The following DMD variants were observed in gnomAD, a reference collection of about 807,000 sequenced individuals.
The protein encoded by DMD is mutant dystrophin.
A neutral mutation model predicts 330.1 loss-of-function variants in DMD; 63 were observed. The ratio of observed to expected loss-of-function variants is 0.19; its 90% CI spans 0.16 to 0.24. DMD has a LOEUF of 0.24. Among genes scored for constraint, DMD ranks in the 10% least tolerant of loss-of-function variants. The pLI is 1.00. For missense variants in DMD, 3,344 were observed against 2,684.1 expected, an observed-to-expected ratio of 1.25 and a Z score of -5.43; for synonymous variants, 1,223 against 959.8, an observed-to-expected ratio of 1.27 and a Z score of -5.07.
chrX:32,433,974 T>C lies in DMD; in HGVS notation c.4071+4267A>G, dbSNP rs145541067. ...AAATCATTACTGTGAGTAGAAAATA[T>C]AGTGCTATATGATTATCAAGAATGA... On this transcript the variant is annotated intron_variant, in intron 29 of 78. Transcript: ENST00000357033. Among the ~76,000 whole-genome samples the C allele has an allele frequency of 4.0e-3, 444 of 111,965 alleles. 1 individual carries two copies. The highest frequency in any genetic ancestry group is 6.9e-3 in the Non-Finnish European group (365 of 53,203).
At chrX:31,628,147 G>A (rs2078948451) in intron 54 of DMD, among the ~76,000 whole-genome samples, 1 of 111,182 alleles carries the variant, frequency 9.0e-6, no homozygotes, top group South Asian at 3.8e-4. Context: ...ATATATATGT[G>A]AAATATATAT....
At chrX:33,329,031 T>A (rs1388978797) in intron 1 of DMD, among the ~76,000 whole-genome samples, 1 of 112,038 alleles carries the variant, frequency 8.9e-6, no homozygotes, top group African/African-American at 3.2e-5. Context: ...TTTTATATAT[T>A]TGTGTTATAG....
At chrX:33,071,931 A>T (rs2094764375) in intron 1 of DMD, among the ~76,000 whole-genome samples, 1 of 112,341 alleles carries the variant, frequency 8.9e-6, no homozygotes, top group Non-Finnish European at 1.9e-5. Context: ...CAATTAAGTT[A>T]TATATCTTTC....
chrX:32,808,359 T>C (rs780861920), intron 7 of DMD, among the ~76,000 whole-genome samples: 3 of 112,388 alleles, frequency 2.7e-5, no homozygotes, highest in Non-Finnish European at 3.8e-5. Flanking sequence ...AATATATTTG[T>C]CAATTGTATG....
At chrX:32,631,766 G>T (rs1202801827) in intron 11 of DMD, among the ~76,000 whole-genome samples, 1 of 111,216 alleles carries the variant, frequency 9.0e-6, no homozygotes, top group Non-Finnish European at 1.9e-5. Flanking sequence ...GCACTAAGAG[G>T]ATAGTGCTAA....
chrX:32,922,175 A>ATT (rs772925727), intron 2 of DMD, among the ~76,000 whole-genome samples: 4 of 98,528 alleles, frequency 4.1e-5, no homozygotes, highest in African/African-American at 1.5e-4. Flanking sequence ...CCCTGACATG[A>ATT]TTTTTTTTTT....
At chrX:32,042,164 CATATGTAT>C in intron 44 of DMD, among the ~76,000 whole-genome samples, 1 of 57,296 alleles carries the variant, frequency 1.7e-5, no homozygotes, top group Non-Finnish European at 3.3e-5. Context: ...CATATACACA[CATATGTAT>C]ACATATATAC....
chrX:32,563,003 C>G (rs911828350), intron 16 of DMD, among the ~76,000 whole-genome samples: 1 of 111,293 alleles, frequency 9.0e-6, no homozygotes, highest in African/African-American at 3.3e-5. Flanking sequence ...TTATTTATTT[C>G]TAGCCCACAA....
At chrX:33,153,723 G>A (rs1218209465) in intron 1 of DMD, among the ~76,000 whole-genome samples, 1 of 112,194 alleles carries the variant, frequency 8.9e-6, no homozygotes, top group African/African-American at 3.2e-5. Flanking sequence ...CTTTACCTTT[G>A]TTATAAAATT....
chrX:31,626,689 G>A (rs1198839185), intron 55 of DMD, among the ~76,000 whole-genome samples: 1 of 111,513 alleles, frequency 9.0e-6, no homozygotes, highest in Non-Finnish European at 1.9e-5. Flanking sequence ...ACAGGAGAAG[G>A]AGAACGATAG....
intron 52 of DMD, among the ~76,000 whole-genome samples, chrX:31,710,974 T>G (rs2084587095): frequency 9.0e-6 from 1 of 111,183 alleles, no homozygotes; most frequent in Non-Finnish European, 1.9e-5. Context: ...CACTTTTTCC[T>G]TGATTTTACC....
At chrX:31,938,998 T>C (rs1215641826) in intron 45 of DMD, among the ~76,000 whole-genome samples, 2 of 111,572 alleles carry the variant, frequency 1.8e-5, no homozygotes, top group African/African-American at 6.5e-5. Flanking sequence ...AAAATAAGCA[T>C]AAATTGAGAA....
At chrX:31,792,301 A>G (rs781427737) in intron 50 of DMD, among the ~76,000 whole-genome samples, 150 of 112,665 alleles carry the variant, frequency 1.3e-3, no homozygotes, top group African/African-American at 4.8e-3. Flanking sequence ...GAGAAATGTC[A>G]CATCTCATTT....
rs773372553 is a variant in DMD at position 32,287,602 on chromosome X, T to C, written c.6217A>G (p.Lys2073Glu). ...AGCTGGGAGAGAGCTTCCTGTAGCT[T>C]CACCCTTTCCACAGGCGTTGCACTT... ...LQSATPVERVKLQEALSQLDF... is the reference protein window; with the variant it reads ...LQSATPVERVELQEALSQLDF... Residue 2073 changes from lysine (K) to glutamate (E), a missense_variant, in exon 43 of 79, where the codon AAG becomes GAG. Transcript: ENST00000357033. 1 of 1,211,066 alleles carries C rather than the reference T, an allele frequency of 8.3e-7. No homozygotes were observed.
intron 7 of DMD, among the ~76,000 whole-genome samples, chrX:32,721,285 C>A (rs1015657386): frequency 3.7e-4 from 41 of 110,651 alleles, no homozygotes; most frequent in African/African-American, 1.3e-3. Flanking sequence ...CACTCCCAGA[C>A]AATTTTCCAT....
intron 44 of DMD, among the ~76,000 whole-genome samples, chrX:32,086,035 A>G (rs1409243909): frequency 8.9e-6 from 1 of 112,369 alleles, no homozygotes; most frequent in Non-Finnish European, 1.9e-5. Flanking sequence ...TACACACAAG[A>G]GAATAGCTGA....
At chrX:32,682,250 C>T (rs952355329) in intron 9 of DMD, among the ~76,000 whole-genome samples, 4 of 111,584 alleles carry the variant, frequency 3.6e-5, no homozygotes, top group Non-Finnish European at 5.6e-5. Context: ...ATAATAGTTA[C>T]CACTATTCCA....
chrX:33,031,117 T>G (rs1239394053), intron 1 of DMD, among the ~76,000 whole-genome samples: 1 of 110,957 alleles, frequency 9.0e-6, no homozygotes, highest in Non-Finnish European at 1.9e-5. Flanking sequence ...GAACGGATTC[T>G]GTGGATGCTG....
At chrX:31,303,057 C>T (rs965159554) in intron 62 of DMD, among the ~76,000 whole-genome samples, 6 of 111,865 alleles carry the variant, frequency 5.4e-5, no homozygotes, top group Admixed American at 9.5e-5. Context: ...CTCTCTGATG[C>T]CCCCTCTCCC....
Sources: allele counts gnomAD v4.1 joint callset (sites outside exome capture counted in the v4.1 genomes callset), GRCh38; gene constraint gnomAD v4.1.1; transcripts MANE v1.5; gene names NCBI Gene and HGNC (gene_info 2026-07-23, HGNC 2026-07-21).